The following FAAH2 variants were observed in gnomAD, a reference collection of about 807,000 sequenced individuals.
FAAH2 encodes the protein fatty acid amide hydrolase 2.
A neutral mutation model predicts 36.9 loss-of-function variants in FAAH2; 60 were observed. The observed-to-expected ratio is 1.63, with a 90% confidence interval of 1.32 to 2.02. The LOEUF (loss-of-function observed/expected upper bound fraction) is 2.02. Ranked by LOEUF, FAAH2 falls within the 30% of genes most tolerant of loss-of-function variation. The pLI, the probability that FAAH2 is intolerant of heterozygous loss-of-function variation, is 0.00. For synonymous variants in FAAH2, 214 were observed against 143.8 expected (o/e 1.49, Z -3.49); for missense variants, 689 against 397.5 (o/e 1.73, Z -6.23).
At chrX:57,461,424 G>A (rs1280510713) in intron 10 of FAAH2, among the ~76,000 whole-genome samples, 2 of 111,559 alleles carry the variant, frequency 1.8e-5, no homozygotes, top group African/African-American at 6.5e-5. Context: ...CTCAGCAAAT[G>A]CAAAAGATTG....
At chrX:57,299,846 C>G (rs1032537363) in intron 2 of FAAH2, among the ~76,000 whole-genome samples, 1 of 111,645 alleles carries the variant, frequency 9.0e-6, no homozygotes, top group African/African-American at 3.3e-5. Flanking sequence ...TAAGTGAACT[C>G]CCATTCACAA....
chrX:57,162,882 A>C, the FAAH2 span, among the ~76,000 whole-genome samples: 1 of 112,945 alleles, frequency 8.9e-6, no homozygotes, highest in African/African-American at 3.2e-5. Context: ...ATCTCCATCC[A>C]GCTTTGTTCC....
intron 5 of FAAH2, among the ~76,000 whole-genome samples, chrX:57,376,192 T>G (rs1480284013): frequency 2.7e-5 from 3 of 111,463 alleles, no homozygotes; most frequent in Non-Finnish European, 3.8e-5. Context: ...ATCATTTTTG[T>G]TTTTTTCTCC....
At chrX:57,347,930 G>A (rs779172601) in intron 5 of FAAH2, among the ~76,000 whole-genome samples, 13 of 110,609 alleles carry the variant, frequency 1.2e-4, no homozygotes, top group East Asian at 1.1e-3. Context: ...ACTCAACAAC[G>A]TGACTCTTCT....
At chrX:57,301,894 G>T (rs1343592811) in intron 2 of FAAH2, among the ~76,000 whole-genome samples, 2 of 111,812 alleles carry the variant, frequency 1.8e-5, no homozygotes, top group African/African-American at 6.5e-5. Flanking sequence ...ATATACATGT[G>T]TTTAGACAAT....
the FAAH2 span, among the ~76,000 whole-genome samples, chrX:57,186,739 A>C: frequency 1.8e-5 from 2 of 112,018 alleles, no homozygotes; most frequent in Non-Finnish European, 3.8e-5. Context: ...TAATTTTTGT[A>C]TAAGGTGTAA....
chrX:57,456,844 G>A (rs1235185896), intron 10 of FAAH2, among the ~76,000 whole-genome samples: 2 of 111,346 alleles, frequency 1.8e-5, no homozygotes, highest in Non-Finnish European at 3.8e-5. Flanking sequence ...TGGATTCACG[G>A]CCAAATTCTA....
At chrX:57,262,238 G>A in the FAAH2 span, among the ~76,000 whole-genome samples, 1 of 111,255 alleles carries the variant, frequency 9.0e-6, no homozygotes, top group Non-Finnish European at 1.9e-5. Context: ...CTGGTGTGTT[G>A]TTTTGCCTCA....
intron 7 of FAAH2, among the ~76,000 whole-genome samples, chrX:57,422,736 G>T (rs57163776): frequency 1.8e-4 from 20 of 111,319 alleles, no homozygotes; most frequent in African/African-American, 4.9e-4. Flanking sequence ...TAAAAGATTT[G>T]CAGGGAGGAC....
chrX:57,132,857 C>G, the FAAH2 span, among the ~76,000 whole-genome samples: 1 of 112,338 alleles, frequency 8.9e-6, no homozygotes, highest in East Asian at 2.8e-4. Context: ...TCCCTCATCC[C>G]CATTACCTCT....
intron 7 of FAAH2, among the ~76,000 whole-genome samples, chrX:57,396,130 T>C (rs1057302648): frequency 1.8e-5 from 2 of 111,652 alleles, no homozygotes; most frequent in African/African-American, 6.5e-5. Flanking sequence ...GTGTTCATAA[T>C]AGTCTCTGAT....
chrX:57,378,585 A>G, intron 5 of FAAH2, 66 bp from the exon 6 acceptor site: 5 of 1,176,426 alleles, frequency 4.3e-6, no homozygotes, highest in Non-Finnish European at 5.7e-6. Context: ...AAACACCATA[A>G]TGAAATACAA....
intron 3 of FAAH2, among the ~76,000 whole-genome samples, chrX:57,316,584 T>A (rs1181012300): frequency 9.0e-6 from 1 of 111,000 alleles, no homozygotes; most frequent in Non-Finnish European, 1.9e-5. Flanking sequence ...CATACAACCA[T>A]CTGATCTTTG....
At chrX:57,253,608 C>T in the FAAH2 span, among the ~76,000 whole-genome samples, 1 of 111,577 alleles carries the variant, frequency 9.0e-6, no homozygotes, top group African/African-American at 3.3e-5. Context: ...GATTGGGGGT[C>T]AACATTCAAC....
chrX:57,468,004 C>T (rs1427442037), intron 10 of FAAH2, among the ~76,000 whole-genome samples: 1 of 111,811 alleles, frequency 8.9e-6, no homozygotes, highest in African/African-American at 3.3e-5. Context: ...GAGTGGACCT[C>T]CAGCAAACTC....
the FAAH2 span, among the ~76,000 whole-genome samples, chrX:57,254,588 T>G: frequency 8.9e-6 from 1 of 111,865 alleles, no homozygotes; most frequent in African/African-American, 3.2e-5. Context: ...CAGTCCAGAG[T>G]GCAATCAAAT....
At chrX:57,442,765 G>A (rs2056590440) in intron 8 of FAAH2, among the ~76,000 whole-genome samples, 1 of 111,808 alleles carries the variant, frequency 8.9e-6, no homozygotes, top group Non-Finnish European at 1.9e-5. Context: ...TCCTTTCCAT[G>A]TTTAGTGCTT....
At chrX:57,397,637 A>G (rs770583694) in intron 7 of FAAH2, among the ~76,000 whole-genome samples, 1 of 109,571 alleles carries the variant, frequency 9.1e-6, no homozygotes, top group South Asian at 4.0e-4. Context: ...TGAGAAGTCC[A>G]CTGTTTGACT....
At chrX:57,143,367 G>A in the FAAH2 span, among the ~76,000 whole-genome samples, 1 of 110,648 alleles carries the variant, frequency 9.0e-6, no homozygotes, top group Admixed American at 9.7e-5. Flanking sequence ...CGATGGTGGA[G>A]AAAAAAAGAG....
Sources: allele counts gnomAD v4.1 joint callset (sites outside exome capture counted in the v4.1 genomes callset), GRCh38; gene constraint gnomAD v4.1.1; transcripts MANE v1.5; gene names NCBI Gene and HGNC (gene_info 2026-07-23, HGNC 2026-07-21).